The following CADPS variants were observed in gnomAD, a reference collection of about 807,000 sequenced individuals.
CADPS encodes the protein calcium dependent secretion activator.
Under a neutral mutation model 167.3 loss-of-function variants are expected in CADPS, and 57 were observed. That is an observed-to-expected ratio of 0.34 (90% confidence interval 0.28 to 0.42). The LOEUF (loss-of-function observed/expected upper bound fraction) is 0.42, where lower values mean the gene tolerates loss of function less well. Among genes scored for constraint, CADPS ranks in the 20% least tolerant of loss-of-function variants. The pLI is 1.00. For missense variants in CADPS, 1,414 were observed against 1,738.1 expected, an observed-to-expected ratio of 0.81 and a Z score of 3.32; for synonymous variants, 676 against 635.3, an observed-to-expected ratio of 1.06 and a Z score of -0.96.
At chr3:62,843,763 T>C (rs545133333) in intron 1 of CADPS, among the ~76,000 whole-genome samples, 2 of 152,286 alleles carry the variant, frequency 1.3e-5, no homozygotes, top group South Asian at 4.1e-4. Context: ...CAGATACTTC[T>C]GCTTTATCCC....
Position 62,531,421 on chromosome 3 carries a change from C to A in CADPS, c.2291+1450G>T, listed in dbSNP as rs183120242. Among the ~76,000 whole-genome samples the A allele has an allele frequency of 3.8e-3, 584 of 152,162 alleles. 5 individuals carry two copies. The highest frequency in any genetic ancestry group is 0.02 in the Middle Eastern group (6 of 294). ...TCATAACAATGGGAGGTGATGATAA[C>A]CTTGTTGCCTGTTAAATATTCAAAC... On this transcript the variant is annotated intron_variant, in intron 13 of 29. Coordinates refer to ENST00000383710, the MANE Select transcript of CADPS (RefSeq NM_003716.4).
intron 2 of CADPS, among the ~76,000 whole-genome samples, chr3:62,759,255 T>G (rs2084761109): frequency 6.6e-6 from 1 of 152,134 alleles, no homozygotes; most frequent in Admixed American, 6.5e-5. Flanking sequence ...CTTTGTAGGA[T>G]TTTGGTGATC....
intron 3 of CADPS, among the ~76,000 whole-genome samples, chr3:62,709,673 G>C (rs1329908416): frequency 6.6e-6 from 1 of 152,080 alleles, no homozygotes; most frequent in Non-Finnish European, 1.5e-5. Context: ...TCTCTGGGTG[G>C]AGCCTGGAAG....
At chr3:62,607,915 C>G (rs1160128856) in intron 6 of CADPS, among the ~76,000 whole-genome samples, 1 of 152,212 alleles carries the variant, frequency 6.6e-6, no homozygotes, top group Non-Finnish European at 1.5e-5. Context: ...ATGAGGCCAG[C>G]TGGCTAAATG....
chr3:62,763,845 C>T (rs1447167751), intron 2 of CADPS, among the ~76,000 whole-genome samples: 2 of 152,180 alleles, frequency 1.3e-5, no homozygotes, highest in African/African-American at 4.8e-5. Flanking sequence ...CAAATGCTAA[C>T]ATTAAATATT....
chr3:62,568,615 G>T (rs1310198122), intron 9 of CADPS, among the ~76,000 whole-genome samples: 1 of 152,168 alleles, frequency 6.6e-6, no homozygotes, highest in Non-Finnish European at 1.5e-5. Flanking sequence ...GAGGCTTTCG[G>T]ACTCAGAATA....
chr3:62,785,694 T>A (rs763873169), intron 1 of CADPS, among the ~76,000 whole-genome samples: 13 of 152,116 alleles, frequency 8.5e-5, no homozygotes, highest in Non-Finnish European at 1.8e-4. Flanking sequence ...ACTGGCCATA[T>A]TAGGAGGTTA....
At chr3:62,821,410 C>T (rs1395190344) in intron 1 of CADPS, among the ~76,000 whole-genome samples, 2 of 152,148 alleles carry the variant, frequency 1.3e-5, no homozygotes, top group African/African-American at 4.8e-5. Flanking sequence ...AATCCAGACT[C>T]AAGGTCTTGG....
intron 23 of CADPS, among the ~76,000 whole-genome samples, chr3:62,476,991 A>C (rs1483725712): frequency 1.3e-5 from 2 of 152,182 alleles, no homozygotes; most frequent in Admixed American, 6.5e-5. Context: ...GAGAGAATAA[A>C]AGAGCAATAC....
chr3:62,618,269 A>T (rs1021213267), intron 6 of CADPS, among the ~76,000 whole-genome samples: 1 of 151,970 alleles, frequency 6.6e-6, no homozygotes, highest in African/African-American at 2.4e-5. Flanking sequence ...AGAGAGAGAA[A>T]TTCTTAATGT....
intron 1 of CADPS, among the ~76,000 whole-genome samples, chr3:62,832,762 C>A (rs1278472142): frequency 6.6e-6 from 1 of 152,248 alleles, no homozygotes. Flanking sequence ...GCTGCTGCCG[C>A]TGAGGCGTTG....
chr3:62,723,194 C>A (rs1157505685), intron 3 of CADPS, among the ~76,000 whole-genome samples: 1 of 152,156 alleles, frequency 6.6e-6, no homozygotes, highest in Non-Finnish European at 1.5e-5. Context: ...GTGCCTTTAG[C>A]TAAGATGAAA....
At chr3:62,826,430 A>G (rs2074049991) in intron 1 of CADPS, among the ~76,000 whole-genome samples, 1 of 152,060 alleles carries the variant, frequency 6.6e-6, no homozygotes, top group African/African-American at 2.4e-5. Context: ...ATTGTTGGGG[A>G]AAAATGGGGA....
chr3:62,576,522 G>A (rs1186287476), intron 8 of CADPS, among the ~76,000 whole-genome samples: 1 of 151,762 alleles, frequency 6.6e-6, no homozygotes, highest in Non-Finnish European at 1.5e-5. Context: ...TCCTCACGGT[G>A]GCTCACACCT....
chr3:62,790,514 T>C (rs2152730078), intron 1 of CADPS, among the ~76,000 whole-genome samples: 1 of 152,326 alleles, frequency 6.6e-6, no homozygotes, highest in Admixed American at 6.5e-5. Flanking sequence ...ATTTCAGTGA[T>C]TACTGTCATT....
intron 6 of CADPS, among the ~76,000 whole-genome samples, chr3:62,600,393 T>C (rs746537550): frequency 6.6e-6 from 1 of 152,136 alleles, no homozygotes; most frequent in Non-Finnish European, 1.5e-5. Context: ...CACAAGCACA[T>C]AAGCAGAGAC....
intron 23 of CADPS, among the ~76,000 whole-genome samples, chr3:62,477,716 G>A (rs1465150523): frequency 1.3e-5 from 2 of 152,118 alleles, no homozygotes; most frequent in South Asian, 2.1e-4. Flanking sequence ...CTCATGCCCC[G>A]CTGTTGAAAT....
chr3:62,757,676 G>T (rs561719078), intron 2 of CADPS, among the ~76,000 whole-genome samples: 2 of 152,250 alleles, frequency 1.3e-5, no homozygotes, highest in Middle Eastern at 3.4e-3. Context: ...GTCCCAGCTG[G>T]TGTAACTGGT....
chr3:62,591,019 T>G (rs2148771526), intron 7 of CADPS, among the ~76,000 whole-genome samples: 1 of 152,126 alleles, frequency 6.6e-6, no homozygotes, highest in South Asian at 2.1e-4. Context: ...CACGCCCGGC[T>G]AATTTTTTTG....
Sources: allele counts gnomAD v4.1 joint callset (sites outside exome capture counted in the v4.1 genomes callset), GRCh38; gene constraint gnomAD v4.1.1; transcripts MANE v1.5; gene names NCBI Gene and HGNC (gene_info 2026-07-23, HGNC 2026-07-21).